The following PTTG1IP2 variants were observed in gnomAD, a reference collection of about 807,000 sequenced individuals.
PTTG1IP2 encodes PTTG1IP family member 2.
At chr7:90,477,349 G>A (rs1797760013) in intron 1 of PTTG1IP2, among the ~76,000 whole-genome samples, 1 of 152,068 alleles carries the variant, frequency 6.6e-6, no homozygotes, top group South Asian at 2.1e-4. Flanking sequence ...TTTCCAATAA[G>A]GGCAAAAATG....
chr7:90,497,885 T>C (rs1238203837), intron 6 of PTTG1IP2, among the ~76,000 whole-genome samples: 1 of 152,158 alleles, frequency 6.6e-6, no homozygotes, highest in Admixed American at 6.5e-5. Context: ...CTGGATGTTA[T>C]GTCCATTGTT....
intron 6 of PTTG1IP2, among the ~76,000 whole-genome samples, chr7:90,506,750 G>GAGTA (rs1466788864): frequency 6.6e-6 from 1 of 152,134 alleles, no homozygotes; most frequent in Non-Finnish European, 1.5e-5. Flanking sequence ...CTGGGTGACA[G>GAGTA]AGTAAGACCC....
intron 6 of PTTG1IP2, among the ~76,000 whole-genome samples, chr7:90,509,930 C>T (rs577727798): frequency 2.0e-5 from 3 of 152,244 alleles, no homozygotes; most frequent in Non-Finnish European, 4.4e-5. Context: ...CTAAGACGCA[C>T]TTCACTAAAT....
intron 4 of PTTG1IP2, among the ~76,000 whole-genome samples, chr7:90,491,302 T>A (rs989426858): frequency 1.3e-5 from 2 of 152,228 alleles, no homozygotes; most frequent in African/African-American, 4.8e-5. Context: ...CTAAGCAATG[T>A]CATTGTCATA....
chr7:90,503,649 G>T (rs1046197905), intron 6 of PTTG1IP2, among the ~76,000 whole-genome samples: 1 of 152,196 alleles, frequency 6.6e-6, no homozygotes, highest in Non-Finnish European at 1.5e-5. Context: ...AAAGATTGGG[G>T]AACGGCCAGT....
intron 2 of PTTG1IP2, among the ~76,000 whole-genome samples, chr7:90,486,467 C>CTTTTTT (rs532687452): frequency 0.024 from 2,893 of 118,766 alleles, 36 homozygotes; most frequent in Non-Finnish European, 0.041. Context: ...CTTTGTCTTC[C>CTTTTTT]TTTTTTTTTT....
chr7:90,509,862 C>T (rs933012168), intron 6 of PTTG1IP2, among the ~76,000 whole-genome samples: 1 of 152,102 alleles, frequency 6.6e-6, no homozygotes, highest in Non-Finnish European at 1.5e-5. Context: ...ATATGCATAA[C>T]CTATTAATAT....
chr7:90,490,196 G>A (rs1434290275), intron 4 of PTTG1IP2, among the ~76,000 whole-genome samples: 1 of 151,804 alleles, frequency 6.6e-6, no homozygotes, highest in Non-Finnish European at 1.5e-5. Flanking sequence ...TTTTTCAAAG[G>A]GAGTTCACAG....
chr7:90,502,806 G>C (rs1798074494), intron 6 of PTTG1IP2, among the ~76,000 whole-genome samples: 1 of 152,096 alleles, frequency 6.6e-6, no homozygotes, highest in African/African-American at 2.4e-5. Context: ...TATAGAGTGC[G>C]GGCAAGTAGA....
intron 5 of PTTG1IP2, among the ~76,000 whole-genome samples, chr7:90,493,519 A>T (rs952927457): frequency 6.6e-6 from 1 of 152,232 alleles, no homozygotes; most frequent in African/African-American, 2.4e-5. Flanking sequence ...ACATTGACCC[A>T]GGAAAAACAC....
intron 1 of PTTG1IP2, among the ~76,000 whole-genome samples, chr7:90,478,089 T>G (rs1015359376): frequency 9.5e-6 from 1 of 105,156 alleles, no homozygotes; most frequent in African/African-American, 3.8e-5. Context: ...AGAGTGAGAC[T>G]CCGTCTCAAA....
At chr7:90,485,962 C>A (rs10487115) in intron 2 of PTTG1IP2, among the ~76,000 whole-genome samples, 60,285 of 152,060 alleles carry the variant, frequency 0.4, 12,987 homozygotes, top group Non-Finnish European at 0.5. Flanking sequence ...TCCAGTCTTT[C>A]GGCAACCGTC....
At chr7:90,478,096 C>CAAAAAAAAAAAAAAAAA (rs370035849) in intron 1 of PTTG1IP2, among the ~76,000 whole-genome samples, 2 of 68,060 alleles carry the variant, frequency 2.9e-5, no homozygotes, top group African/African-American at 5.2e-5. Context: ...GACTCCGTCT[C>CAAAAAAAAAAAAAAAAA]AAAAAAAAAA....
intron 6 of PTTG1IP2, among the ~76,000 whole-genome samples, chr7:90,498,627 T>C (rs1394086226): frequency 6.6e-6 from 1 of 152,218 alleles, no homozygotes; most frequent in Non-Finnish European, 1.5e-5. Context: ...TGAAAGCCTT[T>C]TTTACACCAG....
At chr7:90,485,650 C>T (rs1034029279) in intron 2 of PTTG1IP2, among the ~76,000 whole-genome samples, 2 of 152,146 alleles carry the variant, frequency 1.3e-5, no homozygotes, top group Non-Finnish European at 2.9e-5. Context: ...CCAAAGGAGT[C>T]TCTTTTCCAT....
chr7:90,480,736 C>T (rs965602357), intron 2 of PTTG1IP2, among the ~76,000 whole-genome samples: 9 of 152,136 alleles, frequency 5.9e-5, no homozygotes, highest in African/African-American at 2.2e-4. Flanking sequence ...GAATCACATT[C>T]ATACATTGCA....
In PTTG1IP2 at chr7:90,498,324, A is replaced by G. The variant is rs17869690; in HGVS notation, c.*50+3894A>G. Among the ~76,000 whole-genome samples, 117 of 152,346 alleles carry G rather than the reference A, an allele frequency of 7.7e-4. 3 individuals are homozygous for G. The East Asian group carries it at 0.017, about 22-fold the overall frequency. On this transcript the variant is annotated intron_variant, in intron 6 of 6. Coordinates refer to ENST00000509356, the MANE Select transcript of PTTG1IP2 (RefSeq NM_001365443.2). The stretch of plus-strand genomic sequence containing the variant: ...GGTAGCAGTAGGTTCTTACCTGTCA[A>G]TAATCACCTTGAATGTAAATAGGTT...
At chr7:90,496,290 G>C (rs1029195311) in intron 6 of PTTG1IP2, among the ~76,000 whole-genome samples, 3 of 152,054 alleles carry the variant, frequency 2.0e-5, no homozygotes, top group African/African-American at 7.2e-5. Flanking sequence ...TTCTTTTATG[G>C]GAGACCATTT....
intron 6 of PTTG1IP2, among the ~76,000 whole-genome samples, chr7:90,503,216 C>T (rs970644156): frequency 2.0e-5 from 3 of 152,212 alleles, no homozygotes; most frequent in Admixed American, 2.0e-4. Context: ...TTCCTTACCT[C>T]TCTCAGCCTT....
Sources: gnomAD v4.1 joint callset for allele counts (sites outside exome capture counted in the v4.1 genomes callset) on GRCh38, gnomAD v4.1.1 for gene constraint, MANE v1.5 for transcripts, NCBI Gene and HGNC (gene_info 2026-07-23, HGNC 2026-07-21) for gene names.